Variants in MECOM observed in about 807,000 individuals in gnomAD.
MECOM encodes histone-lysine N-methyltransferase MECOM.
In MECOM, 13 loss-of-function variants were observed where a neutral mutation model predicts 116.3. That is an observed-to-expected ratio of 0.11 (90% confidence interval 0.07 to 0.18). The LOEUF is 0.18. MECOM is among the 10% of genes least tolerant of loss of function. MECOM has a pLI of 1.00. For missense variants in MECOM, 1,299 were observed against 1,509.0 expected (o/e 0.86, Z 2.31); for synonymous variants, 528 against 535.2 (o/e 0.99, Z 0.19).
At chr3:169,373,723 A>G (rs1156516999) in intron 2 of MECOM, among the ~76,000 whole-genome samples, 2 of 151,968 alleles carry the variant, frequency 1.3e-5, no homozygotes. Flanking sequence ...GGACCATTCA[A>G]TTGGAGTAGT....
chr3:169,372,430 C>G (rs1264928357), intron 2 of MECOM, among the ~76,000 whole-genome samples: 1 of 151,990 alleles, frequency 6.6e-6, no homozygotes, highest in African/African-American at 2.4e-5. Flanking sequence ...AACTAAGCCA[C>G]CTAAATTTTT....
At chr3:169,157,970 C>A (rs951911157) in intron 2 of MECOM, among the ~76,000 whole-genome samples, 1 of 152,068 alleles carries the variant, frequency 6.6e-6, no homozygotes, top group Admixed American at 6.5e-5. Context: ...AAATGATGAG[C>A]CTAGGAAGGT....
chr3:169,378,422 A>AAAGAAAGG (rs1731485964), intron 2 of MECOM, among the ~76,000 whole-genome samples: 1 of 72,010 alleles, frequency 1.4e-5, no homozygotes, highest in East Asian at 3.3e-4. Context: ...AGAAAGAAAG[A>AAAGAAAGG]AAGAAAGAAA....
At chr3:169,205,397 G>A (rs1285164304) in intron 2 of MECOM, among the ~76,000 whole-genome samples, 2 of 152,230 alleles carry the variant, frequency 1.3e-5, no homozygotes, top group East Asian at 1.9e-4. Context: ...TGCATGAGTA[G>A]AAATGTACTC....
intron 1 of MECOM, among the ~76,000 whole-genome samples, chr3:169,414,789 T>C (rs1738247058): frequency 6.6e-6 from 1 of 151,984 alleles, no homozygotes. Context: ...TATCAGAGAT[T>C]GAAGATCAAC....
chr3:169,140,982 C>A (rs1737930116), intron 3 of MECOM, among the ~76,000 whole-genome samples: 1 of 152,026 alleles, frequency 6.6e-6, no homozygotes, highest in Non-Finnish European at 1.5e-5. Context: ...ATAATCTTAG[C>A]AAGCACATTT....
intron 1 of MECOM, among the ~76,000 whole-genome samples, chr3:169,454,549 A>G (rs1746165742): frequency 6.6e-6 from 1 of 152,138 alleles, no homozygotes; most frequent in South Asian, 2.1e-4. Context: ...TTCCTAATGG[A>G]GAAAGTTTTA....
At chr3:169,166,662 T>A (rs993470499) in intron 2 of MECOM, among the ~76,000 whole-genome samples, 2 of 152,164 alleles carry the variant, frequency 1.3e-5, no homozygotes, top group Non-Finnish European at 2.9e-5. Context: ...GCATCTTACA[T>A]TTAACAATAG....
At position 169,572,454 on chromosome 3, in the gene MECOM, C is replaced by T. The variant is rs368668083; in HGVS notation, c.37+90882G>A. On this transcript the variant is annotated intron_variant, in intron 1 of 16. Coordinates refer to ENST00000651503, the MANE Select transcript of MECOM (RefSeq NM_004991.4). ...GTGGCGATTCCTCAAGGATCTAGAA[C>T]CAGAAATACCATTTGACCCAGCAAT... is the stretch of plus-strand genomic sequence containing the variant. Among the ~76,000 whole-genome samples the T allele has an allele frequency of 1.1e-4, 16 of 152,244 alleles. No homozygotes were observed. In the East Asian group the frequency reaches 2.7e-3, roughly 26 times the overall value.
At chr3:169,384,582 G>A (rs760116828) in intron 1 of MECOM, among the ~76,000 whole-genome samples, 9 of 152,092 alleles carry the variant, frequency 5.9e-5, no homozygotes, top group Non-Finnish European at 1.3e-4. Context: ...CATTCTTAAA[G>A]CGATTTCTCC....
intron 2 of MECOM, among the ~76,000 whole-genome samples, chr3:169,369,756 T>G (rs1331058345): frequency 4.6e-5 from 7 of 151,848 alleles, no homozygotes; most frequent in Non-Finnish European, 7.4e-5. Context: ...TCTCTTGGCA[T>G]TTTCTCTGTT....
At chr3:169,468,900 G>A (rs1487954142) in intron 1 of MECOM, among the ~76,000 whole-genome samples, 1 of 152,124 alleles carries the variant, frequency 6.6e-6, no homozygotes, top group Non-Finnish European at 1.5e-5. Context: ...CTGCCACCAA[G>A]GAATCTGAAT....
rs1031666456 is a variant in MECOM at position 169,544,809 on chromosome 3, G to T, written c.37+118527C>A. Among the ~76,000 whole-genome samples the T allele has an allele frequency of 5.9e-5, 9 of 152,166 alleles. 1 individual carries two copies. The highest frequency in any genetic ancestry group is 2.2e-4 in the African/African-American group (9 of 41,422). ...ACCACATGTTCTCACTCATAAGTGG[G>T]AGTTGAACAATGAGAACACATGGAC... On this transcript the variant is annotated intron_variant, in intron 1 of 16. Transcript: ENST00000651503.
chr3:169,147,178 T>C (rs1740160495), intron 2 of MECOM: 1 of 985,338 alleles, frequency 1.0e-6, no homozygotes, highest in African/African-American at 1.7e-5. Context: ...TGAAACCCAC[T>C]AAAACTTCTA....
At chr3:169,616,830 A>G (rs954114757) in intron 1 of MECOM, among the ~76,000 whole-genome samples, 3 of 152,230 alleles carry the variant, frequency 2.0e-5, no homozygotes, top group African/African-American at 7.2e-5. Context: ...TTTTCCTACC[A>G]ACTTCCACAT....
At chr3:169,249,453 T>C (rs1367559393) in intron 2 of MECOM, among the ~76,000 whole-genome samples, 2 of 152,228 alleles carry the variant, frequency 1.3e-5, no homozygotes, top group African/African-American at 4.8e-5. Context: ...TGGCTCCCGG[T>C]CCAAGGCAGA....
At chr3:169,256,330 C>T (rs1756863212) in intron 2 of MECOM, among the ~76,000 whole-genome samples, 1 of 150,914 alleles carries the variant, frequency 6.6e-6, no homozygotes, top group South Asian at 2.1e-4. Context: ...ACCATTTTTT[C>T]CAATTCAAAC....
chr3:169,191,147 A>C (rs1178071049), intron 2 of MECOM, among the ~76,000 whole-genome samples: 1 of 151,972 alleles, frequency 6.6e-6, no homozygotes, highest in African/African-American at 2.4e-5. Context: ...TTTCTATTAG[A>C]AAACAGCATT....
chr3:169,116,885 A>G, intron 7 of MECOM, 146 bp from the exon 8 acceptor site: 2 of 1,015,642 alleles, frequency 2.0e-6, no homozygotes, highest in Non-Finnish European at 2.7e-6. Context: ...CCAAACACAG[A>G]AAACCCCATT....
Sources: allele counts gnomAD v4.1 joint callset (sites outside exome capture counted in the v4.1 genomes callset), GRCh38; gene constraint gnomAD v4.1.1; transcripts MANE v1.5; gene names NCBI Gene and HGNC (gene_info 2026-07-23, HGNC 2026-07-21).